The following PIP5K1B variants were observed in gnomAD, a reference collection of about 807,000 sequenced individuals.
PIP5K1B encodes the protein phosphatidylinositol 4-phosphate 5-kinase type-1 beta.
Under a neutral mutation model 67.0 loss-of-function variants are expected in PIP5K1B, and 42 were observed. That is an observed-to-expected ratio of 0.63 (90% CI 0.49 to 0.81). PIP5K1B has a LOEUF of 0.81. PIP5K1B is among the 30% of genes least tolerant of loss of function. The probability of loss-of-function intolerance (pLI) is 0.00; values close to 1 mark genes in which losing one functional copy is unlikely to be tolerated. For missense variants in PIP5K1B, 459 were observed against 646.3 expected, an observed-to-expected ratio of 0.71 and a Z score of 3.14; for synonymous variants, 214 against 231.4, an observed-to-expected ratio of 0.92 and a Z score of 0.68.
At chr9:68,915,323 G>C (rs1017067236) in intron 8 of PIP5K1B, among the ~76,000 whole-genome samples, 1 of 152,064 alleles carries the variant, frequency 6.6e-6, no homozygotes, top group Non-Finnish European at 1.5e-5. Flanking sequence ...TGTTGAAGCT[G>C]TCTCGGGGGG....
intron 1 of PIP5K1B, among the ~76,000 whole-genome samples, chr9:68,717,163 T>G (rs775512713): frequency 6.6e-6 from 1 of 152,166 alleles, no homozygotes; most frequent in Non-Finnish European, 1.5e-5. Context: ...ATGGGTTCAA[T>G]TGAAGCCCAA....
intron 14 of PIP5K1B, chr9:68,941,143 G>A: frequency 2.2e-6 from 1 of 464,412 alleles, no homozygotes; most frequent in South Asian, 1.6e-5. Flanking sequence ...CAAAGATATT[G>A]TAATATTCTC....
At chr9:69,005,915 C>T (rs935988766) in intron 15 of PIP5K1B, among the ~76,000 whole-genome samples, 3 of 151,592 alleles carry the variant, frequency 2.0e-5, no homozygotes, top group Admixed American at 6.6e-5. Context: ...GGTCTCTCTC[C>T]GTCACCCAGG....
At chr9:68,918,091 A>T (rs66618375) in intron 9 of PIP5K1B, among the ~76,000 whole-genome samples, 88,140 of 136,268 alleles carry the variant, frequency 0.65, 29,292 homozygotes, top group Admixed American at 0.77. Flanking sequence ...TTGTTTATTT[A>T]TTTATTTTTT....
chr9:69,007,372 A>T (rs72722073), intron 15 of PIP5K1B, among the ~76,000 whole-genome samples: 2,266 of 152,258 alleles, frequency 0.015, 30 homozygotes, highest in Non-Finnish European at 0.024. Context: ...GGGTACTAGC[A>T]CATGCCAGGT....
At chr9:68,862,343 A>G (rs1432492662) in intron 4 of PIP5K1B, among the ~76,000 whole-genome samples, 1 of 152,242 alleles carries the variant, frequency 6.6e-6, no homozygotes, top group African/African-American at 2.4e-5. Flanking sequence ...TCTGCGAGCC[A>G]TCTGAATAGA....
chr9:68,713,043 C>T (rs1422919604), intron 1 of PIP5K1B, among the ~76,000 whole-genome samples: 1 of 152,200 alleles, frequency 6.6e-6, no homozygotes, highest in Non-Finnish European at 1.5e-5. Flanking sequence ...GAAGCCAGGG[C>T]AGTGACTCTG....
intron 14 of PIP5K1B, among the ~76,000 whole-genome samples, chr9:68,944,257 G>T (rs866563793): frequency 6.6e-5 from 10 of 152,194 alleles, no homozygotes; most frequent in Non-Finnish European, 1.0e-4. Flanking sequence ...TAAGAAGTCT[G>T]TTCTTTTAAA....
At chr9:68,775,974 C>T (rs1265545839) in intron 2 of PIP5K1B, among the ~76,000 whole-genome samples, 1 of 151,992 alleles carries the variant, frequency 6.6e-6, no homozygotes, top group Non-Finnish European at 1.5e-5. Context: ...TAGACAGATG[C>T]CCTCATTTCT....
chr9:68,789,416 C>T, intron 2 of PIP5K1B: 1 of 461,440 alleles, frequency 2.2e-6, no homozygotes, highest in South Asian at 1.7e-5. Flanking sequence ...GTGTCCACTA[C>T]TCAGTGAAGA....
chr9:68,947,434 C>T (rs1331441662), intron 14 of PIP5K1B, among the ~76,000 whole-genome samples: 1 of 152,182 alleles, frequency 6.6e-6, no homozygotes, highest in African/African-American at 2.4e-5. Context: ...CCTTCTCATC[C>T]AACTCCTGCA....
chr9:68,880,474 G>A (rs1040539313), intron 6 of PIP5K1B, among the ~76,000 whole-genome samples: 4 of 151,960 alleles, frequency 2.6e-5, no homozygotes, highest in African/African-American at 4.8e-5. Flanking sequence ...AGAATCACTT[G>A]TACCCCGGAG....
rs117435428 is a variant in PIP5K1B, at chr9:68,950,813, C to T, written c.1502+10023C>T. ...ATCCTCTGTTTAATCCTTCTGTTACCTGTGGAGTCATCACCACAGTAGTGA... is the reference window on the plus strand; with the variant it reads ...ATCCTCTGTTTAATCCTTCTGTTACTTGTGGAGTCATCACCACAGTAGTGA... On this transcript the variant is annotated intron_variant, in intron 14 of 15. Transcript: ENST00000265382. Among the ~76,000 whole-genome samples, 1,301 of 152,340 alleles carry T rather than the reference C, an allele frequency of 8.5e-3. 8 individuals carry two copies. The highest frequency in any genetic ancestry group is 0.014 in the Non-Finnish European group (961 of 68,028).
At chr9:68,884,490 C>A (rs1430522759) in intron 6 of PIP5K1B, among the ~76,000 whole-genome samples, 1 of 151,656 alleles carries the variant, frequency 6.6e-6, no homozygotes, top group African/African-American at 2.4e-5. Flanking sequence ...TGGCAAAAAC[C>A]CATCTCTACA....
intron 14 of PIP5K1B, among the ~76,000 whole-genome samples, chr9:68,981,260 T>C (rs1829868829): frequency 6.6e-6 from 1 of 152,196 alleles, no homozygotes; most frequent in African/African-American, 2.4e-5. Context: ...TCACTAGGTA[T>C]GTTATTTACA....
chr9:68,905,474 T>C (rs980858801), intron 8 of PIP5K1B, among the ~76,000 whole-genome samples: 13 of 152,226 alleles, frequency 8.5e-5, no homozygotes, highest in African/African-American at 3.1e-4. Context: ...ATTTACAAAA[T>C]GGAATTGAGG....
At chr9:68,725,094 A>G (rs575875589) in intron 1 of PIP5K1B, among the ~76,000 whole-genome samples, 1 of 152,334 alleles carries the variant, frequency 6.6e-6, no homozygotes, top group South Asian at 2.1e-4. Context: ...CTATAGAAGA[A>G]GAATATGTCT....
intron 2 of PIP5K1B, among the ~76,000 whole-genome samples, chr9:68,812,137 A>T: frequency 6.6e-6 from 1 of 152,252 alleles, no homozygotes; most frequent in Non-Finnish European, 1.5e-5. Context: ...AAGAGAGCCC[A>T]GCTCAGCAAA....
At chr9:68,982,851 T>G (rs1175221070) in intron 14 of PIP5K1B, among the ~76,000 whole-genome samples, 1 of 152,206 alleles carries the variant, frequency 6.6e-6, no homozygotes, top group East Asian at 1.9e-4. Flanking sequence ...TTGAATTAGA[T>G]GACTTATTCT....
Sources: gnomAD v4.1 joint callset for allele counts (sites outside exome capture counted in the v4.1 genomes callset) on GRCh38, gnomAD v4.1.1 for gene constraint, MANE v1.5 for transcripts, NCBI Gene and HGNC (gene_info 2026-07-23, HGNC 2026-07-21) for gene names.